RPH3A: variants seen among roughly 807,000 people sequenced by gnomAD.
RPH3A encodes the protein rabphilin 3A.
Under a neutral mutation model 102.2 loss-of-function variants are expected in RPH3A, and 48 were observed. The ratio of observed to expected loss-of-function variants is 0.47; its 90% CI spans 0.37 to 0.60. RPH3A has a LOEUF of 0.60. Among genes scored for constraint, RPH3A ranks in the 20% least tolerant of loss-of-function variants. The probability of loss-of-function intolerance (pLI) is 0.00; values close to 1 mark genes in which losing one functional copy is unlikely to be tolerated. For missense variants in RPH3A, 781 were observed against 910.1 expected (o/e 0.86, Z 1.83); for synonymous variants, 310 against 324.3 (o/e 0.96, Z 0.47).
intron 1 of RPH3A, among the ~76,000 whole-genome samples, chr12:112,664,809 A>G (rs1307228228): frequency 1.3e-5 from 2 of 152,048 alleles, no homozygotes; most frequent in South Asian, 2.1e-4. Flanking sequence ...CGTGTCTTCT[A>G]TGGACAGCGC....
At position 112,869,955 on chromosome 12, in the gene RPH3A, G is replaced by A. The variant is rs140680955; in HGVS notation, c.712G>A (p.Glu238Lys). The A allele has an allele frequency of 6.8e-6, 11 of 1,614,022 alleles. No homozygotes were observed. The highest frequency in any genetic ancestry group is 7.6e-6 in the Non-Finnish European group (9 of 1,180,024). Residue 238 changes from glutamate to lysine, a missense_variant, in exon 10 of 22, where the codon GAG becomes AAG. Physicochemically the swap from Glu to Lys is moderately conservative, Grantham distance 56 (BLOSUM62 1). Around this residue, in one of 2 missense-constraint regions of RPH3A, gnomAD observed 730 missense variants for 810.0 expected, o/e 0.90. Transcript: ENST00000389385. Reference protein sequence around the residue: ...NYGPPVRRASEARMSSSSRDS... With the variant: ...NYGPPVRRASKARMSSSSRDS... ...TGGGCCTCCCGTGCGCAGGGCCTCC[G>A]AGGCACGAATGAGCTCATCTAGCCG...
At chr12:112,734,126 G>T (rs2040652690) in intron 1 of RPH3A, among the ~76,000 whole-genome samples, 1 of 152,198 alleles carries the variant, frequency 6.6e-6, no homozygotes, top group African/African-American at 2.4e-5. Context: ...TTTGGTCAAA[G>T]ATGGACCTCA....
intron 1 of RPH3A, among the ~76,000 whole-genome samples, chr12:112,685,637 GA>G (rs2040258047): frequency 6.6e-6 from 1 of 152,082 alleles, no homozygotes; most frequent in Non-Finnish European, 1.5e-5. Context: ...ACACATCTAG[GA>G]CATGTCCATC....
chr12:112,816,935 T>A (rs1236904790), intron 2 of RPH3A, among the ~76,000 whole-genome samples: 1 of 152,170 alleles, frequency 6.6e-6, no homozygotes, highest in Non-Finnish European at 1.5e-5. Context: ...TTCAGATAAG[T>A]GATTTCATTT....
At chr12:112,768,567 G>C (rs1403310476) in intron 1 of RPH3A, among the ~76,000 whole-genome samples, 1 of 152,094 alleles carries the variant, frequency 6.6e-6, no homozygotes, top group Non-Finnish European at 1.5e-5. Context: ...GCCTCCTTCA[G>C]GTGTTTGCTC....
intron 1 of RPH3A, among the ~76,000 whole-genome samples, chr12:112,745,664 C>T (rs2040740482): frequency 6.6e-6 from 1 of 152,152 alleles, no homozygotes; most frequent in South Asian, 2.1e-4. Flanking sequence ...ATTTGAAAAT[C>T]CAAAGACTTC....
chr12:112,740,714 G>A (rs1027359950), intron 1 of RPH3A, among the ~76,000 whole-genome samples: 1 of 152,170 alleles, frequency 6.6e-6, no homozygotes, highest in African/African-American at 2.4e-5. Context: ...CCTTATCAAT[G>A]TCTTGCAGAC....
intron 2 of RPH3A, among the ~76,000 whole-genome samples, chr12:112,806,989 G>A (rs1377212475): frequency 6.6e-6 from 1 of 152,032 alleles, no homozygotes; most frequent in African/African-American, 2.4e-5. Flanking sequence ...CAGTTTTCTT[G>A]GCAGTGGGAG....
At chr12:112,892,349 C>G (rs1232177648) in intron 19 of RPH3A, among the ~76,000 whole-genome samples, 1 of 152,174 alleles carries the variant, frequency 6.6e-6, no homozygotes. Context: ...AGGAGGAATC[C>G]AGAGGGGACC....
chr12:112,867,274 G>T (rs776789276), intron 7 of RPH3A, among the ~76,000 whole-genome samples: 18 of 151,092 alleles, frequency 1.2e-4, no homozygotes, highest in Non-Finnish European at 2.2e-4. Flanking sequence ...TTTTCTCGGC[G>T]ATTTCTCTTT....
chr12:112,713,070 CTT>C (rs2040489605), intron 1 of RPH3A, among the ~76,000 whole-genome samples: 1 of 128,756 alleles, frequency 7.8e-6, no homozygotes, highest in African/African-American at 3.1e-5. Flanking sequence ...TCTTCTTCTT[CTT>C]CTTCTTCTTC....
At chr12:112,600,862 G>T (rs1338688704) in intron 1 of RPH3A, among the ~76,000 whole-genome samples, 3 of 152,158 alleles carry the variant, frequency 2.0e-5, no homozygotes, top group East Asian at 1.9e-4. Context: ...AAGAAAAGAG[G>T]TTTAATTGAC....
intron 1 of RPH3A, among the ~76,000 whole-genome samples, chr12:112,680,187 C>T (rs2040217015): frequency 1.3e-5 from 2 of 152,152 alleles, no homozygotes; most frequent in South Asian, 4.1e-4. Context: ...TGTGCAAGAC[C>T]TCAAGGCTGC....
intron 2 of RPH3A, among the ~76,000 whole-genome samples, chr12:112,827,938 A>G (rs2041907897): frequency 6.6e-6 from 1 of 152,032 alleles, no homozygotes; most frequent in African/African-American, 2.4e-5. Context: ...TGACTCCACA[A>G]CAACTAAGTC....
chr12:112,697,735 T>C (rs940496106), intron 1 of RPH3A, among the ~76,000 whole-genome samples: 18 of 152,058 alleles, frequency 1.2e-4, no homozygotes, highest in African/African-American at 4.3e-4. Flanking sequence ...CATGGTGGCA[T>C]ATGCCTGTAG....
At chr12:112,751,035 T>C (rs1010644937) in intron 1 of RPH3A, among the ~76,000 whole-genome samples, 42 of 152,200 alleles carry the variant, frequency 2.8e-4, no homozygotes, top group Non-Finnish European at 3.8e-4. Context: ...AACCTGAACG[T>C]TGGTCTCACC....
intron 1 of RPH3A, among the ~76,000 whole-genome samples, chr12:112,727,737 A>G (rs981120500): frequency 6.6e-6 from 1 of 152,102 alleles, no homozygotes. Context: ...AAGAATCTTG[A>G]TTATATAGTT....
chr12:112,686,453 A>G (rs535124515), intron 1 of RPH3A, among the ~76,000 whole-genome samples: 1 of 152,304 alleles, frequency 6.6e-6, no homozygotes, highest in South Asian at 2.1e-4. Context: ...ATTACCAAAT[A>G]AGATGCATGC....
chr12:112,868,769 C>A, intron 8 of RPH3A, 174 bp downstream of exon 8: 2 of 654,100 alleles, frequency 3.1e-6, no homozygotes, highest in Non-Finnish European at 5.0e-6. Context: ...AAATCGTTAC[C>A]AAGAGGGTAG....
Sources: allele counts gnomAD v4.1 joint callset (sites outside exome capture counted in the v4.1 genomes callset), GRCh38; gene constraint gnomAD v4.1.1; regional missense constraint gnomAD v4.1.1; transcripts MANE v1.5; gene names NCBI Gene and HGNC (gene_info 2026-07-23, HGNC 2026-07-21).